Variants in MTRFR observed in about 807,000 individuals in gnomAD.
MTRFR encodes probable peptide chain release factor C12orf65, mitochondrial.
A neutral mutation model predicts 11.9 loss-of-function variants in MTRFR; 10 were observed. The observed-to-expected ratio is 0.84, with a 90% CI of 0.52 to 1.42. MTRFR has a LOEUF of 1.42. Ranked by LOEUF, MTRFR falls within the 40% of genes most tolerant of loss-of-function variation. The pLI, the probability that MTRFR is intolerant of heterozygous loss-of-function variation, is 0.00. For synonymous variants in MTRFR, 77 were observed against 79.1 expected (o/e 0.97, Z 0.14); for missense variants, 196 against 197.9 (o/e 0.99, Z 0.06).
At chr12:123,236,605 AAG>A (rs963813447) in intron 1 of MTRFR, among the ~76,000 whole-genome samples, 2 of 151,694 alleles carry the variant, frequency 1.3e-5, no homozygotes, top group Non-Finnish European at 2.9e-5. Flanking sequence ...AAAAAAAAAA[AAG>A]AAGAAGAAAC....
rs576462794 is a variant in MTRFR at position 123,253,883 on chromosome 12, CA to C, written c.210del (p.Gly72AlafsTer13). On this transcript the variant is annotated frameshift_variant, in exon 2 of 3. Coordinates refer to ENST00000253233, the MANE Select transcript of MTRFR (RefSeq NM_152269.5). LOFTEE classifies it high-confidence loss of function. ...LEEQFVKGHG[P>X]GGQATNKTSN... ...GAGCAGTTTGTGAAAGGACACGGTC[CA>C]GGGGGCCAGGCAACCAACAAAACCA... 351 of 1,614,190 alleles carry C rather than the reference CA, an allele frequency of 2.2e-4. No individual in the cohort carries two copies. The highest frequency in any genetic ancestry group is 2.8e-4 in the Non-Finnish European group (336 of 1,180,034).
intron 1 of MTRFR, chr12:123,250,248 T>C (rs2048097207): frequency 6.6e-6 from 1 of 152,232 alleles, no homozygotes; most frequent in Non-Finnish European, 1.5e-5. Context: ...CTTTAAGCTA[T>C]CTATTTCCCT....
At chr12:123,247,148 T>G (rs1288925578) in intron 1 of MTRFR, among the ~76,000 whole-genome samples, 1 of 152,180 alleles carries the variant, frequency 6.6e-6, no homozygotes, top group African/African-American at 2.4e-5. Context: ...GGATGAAATG[T>G]TCTATATATA....
At chr12:123,256,563 G>T (rs2048183910) in intron 2 of MTRFR, among the ~76,000 whole-genome samples, 1 of 152,164 alleles carries the variant, frequency 6.6e-6, no homozygotes, top group Non-Finnish European at 1.5e-5. Context: ...GGGTATGGTG[G>T]CGTGCGCCTA....
intron 1 of MTRFR, among the ~76,000 whole-genome samples, chr12:123,243,540 A>T (rs1032776347): frequency 6.5e-4 from 99 of 151,404 alleles, no homozygotes; most frequent in Non-Finnish European, 9.7e-4. Flanking sequence ...AAAAAAAAAA[A>T]AAAAAAATAC....
At chr12:123,239,846 A>G (rs1181758851) in intron 1 of MTRFR, among the ~76,000 whole-genome samples, 1 of 151,944 alleles carries the variant, frequency 6.6e-6, no homozygotes, top group Non-Finnish European at 1.5e-5. Flanking sequence ...TCAAATCAGT[A>G]TTTGTTTAAT....
chr12:123,249,044 C>T (rs1316893806), intron 1 of MTRFR: 1 of 152,074 alleles, frequency 6.6e-6, no homozygotes, highest in Admixed American at 6.6e-5. Context: ...AATCCTTTAG[C>T]TAGACACAAA....
intron 1 of MTRFR, among the ~76,000 whole-genome samples, chr12:123,236,811 G>A (rs556458873): frequency 2.7e-4 from 41 of 152,060 alleles, no homozygotes; most frequent in African/African-American, 9.2e-4. Context: ...ATATGGGGCC[G>A]GGCGCGGTGG....
At chr12:123,251,746 A>G (rs1390704438) in intron 1 of MTRFR, among the ~76,000 whole-genome samples, 2 of 152,168 alleles carry the variant, frequency 1.3e-5, no homozygotes, top group African/African-American at 4.8e-5. Context: ...GGGTCCTCTC[A>G]GGATTGCTGG....
intron 1 of MTRFR, chr12:123,248,387 G>C (rs1193794931): frequency 6.5e-6 from 1 of 153,002 alleles, no homozygotes; most frequent in African/African-American, 2.4e-5. Flanking sequence ...CTGTCTCACA[G>C]ACTCTTAAAA....
At chr12:123,235,793 G>C (rs2047841670) in intron 1 of MTRFR, among the ~76,000 whole-genome samples, 1 of 152,054 alleles carries the variant, frequency 6.6e-6, no homozygotes, top group Non-Finnish European at 1.5e-5. Flanking sequence ...GCCGGGCGTG[G>C]TGGCTCATGC....
chr12:123,235,531 ATTTT>A (rs538804885), intron 1 of MTRFR, among the ~76,000 whole-genome samples: 21 of 141,314 alleles, frequency 1.5e-4, no homozygotes, highest in Admixed American at 7.1e-4. Flanking sequence ...GGCCCAGCTA[ATTTT>A]TTTTTTTTTT....
chr12:123,252,057 C>A (rs1332135174), intron 1 of MTRFR: 1 of 152,190 alleles, frequency 6.6e-6, no homozygotes, highest in African/African-American at 2.4e-5. Context: ...TTAATATCTT[C>A]TCTAACTAAC....
chr12:123,252,891 C>T (rs983941869), intron 1 of MTRFR, among the ~76,000 whole-genome samples: 1 of 150,956 alleles, frequency 6.6e-6, no homozygotes, highest in African/African-American at 2.4e-5. Context: ...CGCCATCGCA[C>T]TCCAGCCTGG....
intron 1 of MTRFR, among the ~76,000 whole-genome samples, chr12:123,243,627 C>G (rs185841318): frequency 6.6e-6 from 1 of 152,150 alleles, no homozygotes; most frequent in African/African-American, 2.4e-5. Context: ...ATCACTTGAA[C>G]CCAGGAGGCG....
chr12:123,241,158 G>GT lies in MTRFR; in HGVS notation c.-29+7637dup, dbSNP rs1263874829. Among the ~76,000 whole-genome samples the GT allele has an allele frequency of 2.6e-3, 347 of 132,670 alleles. 2 individuals are homozygous for GT. Among genetic ancestry groups the GT allele is most frequent in the African/African-American group, 8.6e-3 (320 of 37,352 alleles). 87.0% of individuals were successfully genotyped at this position (132,670 alleles called of 152,430 possible). On this transcript the variant is annotated intron_variant, in intron 1 of 2. Coordinates refer to ENST00000253233, the MANE Select transcript of MTRFR (RefSeq NM_152269.5). ...TTGGGGTTGTTTTTTTTTTGTTTTT[G>GT]TTTTTTTTTTAATAAAAGAGATGGA...
At chr12:123,235,464 A>C (rs550620075) in intron 1 of MTRFR, among the ~76,000 whole-genome samples, 1 of 151,666 alleles carries the variant, frequency 6.6e-6, no homozygotes, top group South Asian at 2.1e-4. Context: ...CCCCAGGTTC[A>C]CGCCATTCTC....
chr12:123,242,510 G>C (rs2138758794), intron 1 of MTRFR, among the ~76,000 whole-genome samples: 1 of 152,300 alleles, frequency 6.6e-6, no homozygotes, highest in African/African-American at 2.4e-5. Context: ...GTGGAACCAT[G>C]GGTGTGTTTG....
intron 2 of MTRFR, chr12:123,254,390 G>A: frequency 4.9e-6 from 1 of 202,348 alleles, no homozygotes; most frequent in Non-Finnish European, 1.0e-5. Flanking sequence ...AAGTCCCTGA[G>A]GAGGCGGCAA....
Sources: gnomAD v4.1 joint callset for allele counts (sites outside exome capture counted in the v4.1 genomes callset) on GRCh38, gnomAD v4.1.1 for gene constraint, MANE v1.5 for transcripts, NCBI Gene and HGNC (gene_info 2026-07-23, HGNC 2026-07-21) for gene names.